CDK19: variants seen among roughly 807,000 people sequenced by gnomAD.
CDK19 encodes cyclin-dependent kinase 19.
In CDK19, 20 loss-of-function variants were observed where a neutral mutation model predicts 68.3. The ratio of observed to expected loss-of-function variants is 0.29; its 90% CI spans 0.21 to 0.43. The LOEUF is 0.43. Ranked by LOEUF, CDK19 falls within the 20% of genes least tolerant of loss-of-function variation. The pLI is 1.00. For synonymous variants in CDK19, 221 were observed against 222.8 expected (o/e 0.99, Z 0.07); for missense variants, 339 against 623.5 (o/e 0.54, Z 4.86).
intron 1 of CDK19, among the ~76,000 whole-genome samples, chr6:110,805,276 T>C (rs1191489800): frequency 6.6e-6 from 1 of 152,188 alleles, no homozygotes; most frequent in African/African-American, 2.4e-5. Flanking sequence ...GTTGTTCATC[T>C]TGTCCCTTTG....
intron 5 of CDK19, among the ~76,000 whole-genome samples, chr6:110,634,247 C>T (rs1313999850): frequency 1.3e-5 from 2 of 152,130 alleles, no homozygotes; most frequent in Non-Finnish European, 2.9e-5. Flanking sequence ...GATGGAGTCT[C>T]GCTCTGTTGC....
intron 1 of CDK19, among the ~76,000 whole-genome samples, chr6:110,786,677 C>T (rs1233549439): frequency 6.6e-6 from 1 of 151,996 alleles, no homozygotes; most frequent in Admixed American, 6.6e-5. Flanking sequence ...GCAAATAGAT[C>T]ACTTCAACAC....
Position 110,621,091 on chromosome 6 carries a change from A to C in CDK19, c.1377+13T>G, listed in dbSNP as rs552319595. The C allele has an allele frequency of 9.3e-6, 15 of 1,606,096 alleles. No homozygotes were observed. The highest frequency in any genetic ancestry group is 8.4e-5 in the Admixed American group (5 of 59,208). Reference sequence around the variant, plus strand: ...TTCATAAAGCATATGAACATTAGACATTCAGGGAGTACCTGATAATCCGAG... The same window carrying C: ...TTCATAAAGCATATGAACATTAGACCTTCAGGGAGTACCTGATAATCCGAG... On this transcript the variant is annotated intron_variant, in intron 12 of 12. Transcript: ENST00000368911. The surrounding 1 kb of genome is among the most constrained non-coding windows in gnomAD (Gnocchi z 5.4).
chr6:110,678,789 T>C (rs1033180834), intron 2 of CDK19, among the ~76,000 whole-genome samples: 8 of 152,210 alleles, frequency 5.3e-5, no homozygotes, highest in Non-Finnish European at 1.0e-4. Flanking sequence ...ATTTTACAAC[T>C]CTGTACATTA....
chr6:110,717,498 G>A (rs186305333), intron 2 of CDK19, among the ~76,000 whole-genome samples: 52 of 152,114 alleles, frequency 3.4e-4, no homozygotes, highest in African/African-American at 1.1e-3. Context: ...TGTTTCAAAG[G>A]TCTCTAATTC....
chr6:110,797,984 C>CAAAAAA (rs56710819), intron 1 of CDK19, among the ~76,000 whole-genome samples: 7 of 87,206 alleles, frequency 8.0e-5, no homozygotes, highest in Non-Finnish European at 1.2e-4. Flanking sequence ...GACTCCGTCT[C>CAAAAAA]AAAAAAAAAA....
chr6:110,637,721 T>C (rs533703284), intron 5 of CDK19, among the ~76,000 whole-genome samples: 200 of 152,370 alleles, frequency 1.3e-3, no homozygotes, highest in African/African-American at 4.6e-3. Context: ...GGCTCATGCC[T>C]GTAATCCCAG....
chr6:110,814,832 C>T (rs941073681), intron 1 of CDK19, 177 bp downstream of exon 1: 8 of 825,906 alleles, frequency 9.7e-6, no homozygotes, highest in Admixed American at 4.4e-5. Context: ...GACGGGGCCG[C>T]GCGGGGGAGG....
At chr6:110,813,965 T>G in intron 1 of CDK19, 1 of 152,490 alleles carries the variant, frequency 6.6e-6, no homozygotes, top group Non-Finnish European at 1.5e-5. Context: ...TGGGGGAGGG[T>G]AATTCCTGCC....
chr6:110,702,519 T>C (rs1774096923), intron 2 of CDK19, among the ~76,000 whole-genome samples: 1 of 151,998 alleles, frequency 6.6e-6, no homozygotes, highest in Non-Finnish European at 1.5e-5. Flanking sequence ...CTAGTTAACT[T>C]GAGAGGCTAA....
At chr6:110,771,335 G>A (rs1780003815) in intron 1 of CDK19, among the ~76,000 whole-genome samples, 1 of 152,208 alleles carries the variant, frequency 6.6e-6, no homozygotes, top group African/African-American at 2.4e-5. Flanking sequence ...GCACCCACAG[G>A]CTCAACACCA....
intron 2 of CDK19, among the ~76,000 whole-genome samples, chr6:110,738,844 T>C (rs1185388596): frequency 1.3e-5 from 2 of 152,044 alleles, no homozygotes; most frequent in Non-Finnish European, 2.9e-5. Flanking sequence ...TACACCACCA[T>C]GGTGGCAAGA....
chr6:110,683,630 C>T (rs79334106), intron 2 of CDK19, among the ~76,000 whole-genome samples: 7,218 of 151,732 alleles, frequency 0.048, 180 homozygotes, highest in Middle Eastern at 0.078. Flanking sequence ...GTAAGCTTTG[C>T]GATAAATAAG....
At chr6:110,768,281 T>C (rs1779730087) in intron 1 of CDK19, among the ~76,000 whole-genome samples, 2 of 152,198 alleles carry the variant, frequency 1.3e-5, no homozygotes, top group African/African-American at 4.8e-5. Flanking sequence ...TGCTCGTTCA[T>C]TGCTGGTGGG....
At chr6:110,705,046 T>G (rs1774329766) in intron 2 of CDK19, among the ~76,000 whole-genome samples, 1 of 151,508 alleles carries the variant, frequency 6.6e-6, no homozygotes, top group East Asian at 1.9e-4. Flanking sequence ...AATGTAGTTT[T>G]TTTTTTTTTT....
At position 110,752,929 on chromosome 6, in the gene CDK19, A is replaced by ATTTG. The variant is rs199788629; in HGVS notation, c.129-6732_129-6729dup. ...GGGTTTTTTTTGTTTTTGGTTTTTT[A>ATTTG]TTTGTTTGTTTGTTTGTTTAGACAG... is the stretch of plus-strand genomic sequence containing the variant. On this transcript the variant is annotated intron_variant, in intron 1 of 12. Coordinates refer to ENST00000368911, the MANE Select transcript of CDK19 (RefSeq NM_015076.5). 5.2e-4 allele frequency among the ~76,000 whole-genome samples: 78 copies of ATTTG among 151,272 alleles called. 2 individuals are homozygous for ATTTG. In the East Asian group the frequency reaches 0.014, roughly 28 times the overall value.
intron 1 of CDK19, among the ~76,000 whole-genome samples, chr6:110,811,174 CTT>C (rs1340795948): frequency 6.6e-6 from 1 of 152,156 alleles, no homozygotes; most frequent in Non-Finnish European, 1.5e-5. Flanking sequence ...ACTGACAAAT[CTT>C]TAATCTTCTG....
chr6:110,781,124 T>A (rs891473642), intron 1 of CDK19, among the ~76,000 whole-genome samples: 16 of 152,278 alleles, frequency 1.1e-4, no homozygotes, highest in Middle Eastern at 6.8e-3. Context: ...TCAAACTGGC[T>A]AATTTATAAA....
At chr6:110,617,506 G>T (rs904994401) in intron 12 of CDK19, among the ~76,000 whole-genome samples, 4 of 151,900 alleles carry the variant, frequency 2.6e-5, no homozygotes, top group Non-Finnish European at 5.9e-5. Flanking sequence ...ATTTCTGGCC[G>T]GGCACAGTGG....
Sources: gnomAD v4.1 joint callset for allele counts (sites outside exome capture counted in the v4.1 genomes callset) on GRCh38, gnomAD v4.1.1 for gene constraint, Gnocchi (gnomAD v3.1) non-coding constraint, MANE v1.5 for transcripts, NCBI Gene and HGNC (gene_info 2026-07-23, HGNC 2026-07-21) for gene names.